SLK: variants seen among roughly 807,000 people sequenced by gnomAD.
The protein encoded by SLK is STE20-like serine/threonine-protein kinase.
SLK carries 67 observed loss-of-function variants against 147.7 expected under a neutral mutation model. The observed-to-expected ratio is 0.45, with a 90% CI of 0.37 to 0.56. The LOEUF (loss-of-function observed/expected upper bound fraction) is 0.56. Among genes scored for constraint, SLK ranks in the 20% least tolerant of loss-of-function variants. The probability of loss-of-function intolerance (pLI) is 0.00; values close to 1 mark genes in which losing one functional copy is unlikely to be tolerated. For synonymous variants in SLK, 441 were observed against 475.0 expected, an observed-to-expected ratio of 0.93 and a Z score of 0.93; for missense variants, 1,136 against 1,438.8, an observed-to-expected ratio of 0.79 and a Z score of 3.41.
In SLK at chr10:104,013,118, C is replaced by T. The variant is rs1844420019; in HGVS notation, c.2877+2210C>T. Among the ~76,000 whole-genome samples the T allele has an allele frequency of 3.3e-5, 5 of 152,220 alleles. No individual in the cohort carries two copies. The South Asian group carries it at 1.0e-3, about 31-fold the overall frequency. On this transcript the variant is annotated intron_variant, in intron 13 of 18. Coordinates refer to ENST00000369755, the MANE Select transcript of SLK (RefSeq NM_014720.4). ...CAAATATTAAAAGTATTTCTATCTA[C>T]TGCTTTAAGCGAAGGTACAAAAGCT...
At chr10:103,995,042 T>C (rs1469578511) in intron 4 of SLK, among the ~76,000 whole-genome samples, 1 of 152,228 alleles carries the variant, frequency 6.6e-6, no homozygotes, top group Non-Finnish European at 1.5e-5. Context: ...CATTATTTTG[T>C]TTTCATTATT....
intron 15 of SLK, 72 bp from the exon 16 acceptor site, chr10:104,019,662 A>T: frequency 1.8e-6 from 2 of 1,125,332 alleles, no homozygotes; most frequent in Non-Finnish European, 1.3e-6. Context: ...TAACAAAATG[A>T]CATATTTGAA....
Position 103,967,332 on chromosome 10 carries a change from C to G in SLK, c.-414C>G, listed in dbSNP as rs1843726235. The G allele has an allele frequency of 6.7e-6, 1 of 149,412 alleles. No individual in the cohort carries two copies. Among genetic ancestry groups the G allele is most frequent in the Admixed American group, 6.6e-5 (1 of 15,074 alleles). 9.3% of individuals were successfully genotyped at this position (149,412 alleles called of 1,614,324 possible). A position where few individuals can be genotyped will look rare whatever the true frequency, so the allele number is the denominator to read the frequency against. ...CTTCTCGACTGCCCGCCTCCGAGGCCGCCGGCCGCTTCTCTCTCCCAGAGT... is the reference window on the plus strand; with the variant it reads ...CTTCTCGACTGCCCGCCTCCGAGGCGGCCGGCCGCTTCTCTCTCCCAGAGT... On this transcript the variant is annotated 5_prime_UTR_variant, in exon 1 of 19. Transcript: ENST00000369755.
In SLK at chr10:104,025,722, A is replaced by G; in HGVS notation, c.*2A>G. ...AGCTTGCATTCCACCGGATCATAAC[A>G]AAGGGAAGCATTCTGTGCGTGGGTT... On this transcript the variant is annotated 3_prime_UTR_variant, in exon 19 of 19. Transcript: ENST00000369755. 3 of 1,613,880 alleles carry G rather than the reference A, an allele frequency of 1.9e-6. No individual in the cohort carries two copies. Among genetic ancestry groups the G allele is most frequent in the Non-Finnish European group, 1.7e-6 (2 of 1,179,858 alleles).
At chr10:104,012,526 T>C (rs1844412860) in intron 13 of SLK, among the ~76,000 whole-genome samples, 1 of 152,188 alleles carries the variant, frequency 6.6e-6, no homozygotes, top group Non-Finnish European at 1.5e-5. Context: ...TTAATCTGAG[T>C]TAATTATCCT....
In SLK at chr10:104,001,545, T is replaced by C. The variant is rs139324300; in HGVS notation, c.966T>C (p.Asp322=). Residue 322 remains aspartate (D), a synonymous_variant, in exon 8 of 19, where the codon GAT becomes GAC. Transcript: ENST00000369755. ...TEEVEDGKEE[D]EEEETENSLP... is the part of the protein sequence containing the mutation. ...AAGTTGAAGATGGCAAAGAGGAAGA[T>C]GAAGAGGAGGAAACAGAAAATTCTC... The C allele has an allele frequency of 6.2e-6, 10 of 1,613,430 alleles. No individual in the cohort carries two copies. In the African/African-American group the frequency reaches 6.7e-5, roughly 11 times the overall value.
At chr10:103,971,490 GGTCTTT>G (rs1843793038) in intron 1 of SLK, among the ~76,000 whole-genome samples, 1 of 152,138 alleles carries the variant, frequency 6.6e-6, no homozygotes, top group Admixed American at 6.5e-5. Flanking sequence ...TTGCCAGGGT[GGTCTTT>G]CCTGACCTCA....
At chr10:103,981,099 T>C (rs926432841) in intron 1 of SLK, among the ~76,000 whole-genome samples, 15 of 152,182 alleles carry the variant, frequency 9.9e-5, no homozygotes, top group Admixed American at 2.6e-4. Flanking sequence ...CATCTTTTCA[T>C]GTGCTTATTG....
chr10:104,013,670 A>G (rs950454828), intron 13 of SLK, among the ~76,000 whole-genome samples: 2 of 152,212 alleles, frequency 1.3e-5, no homozygotes, highest in African/African-American at 4.8e-5. Context: ...TTCAGTTGTC[A>G]TCTTGTGCAG....
chr10:104,008,436 A>G, intron 12 of SLK, 80 bp downstream of exon 12: 1 of 891,486 alleles, frequency 1.1e-6, no homozygotes, highest in Non-Finnish European at 1.7e-6. Flanking sequence ...GGATTTAGGA[A>G]TACTAATAAT....
intron 1 of SLK, among the ~76,000 whole-genome samples, chr10:103,970,588 T>C (rs1257084039): frequency 6.6e-6 from 1 of 152,088 alleles, no homozygotes; most frequent in African/African-American, 2.4e-5. Flanking sequence ...TTAAAACTTA[T>C]CTGTCTTCTT....
chr10:103,982,578 T>G, intron 1 of SLK, among the ~76,000 whole-genome samples: 1 of 152,212 alleles, frequency 6.6e-6, no homozygotes, highest in East Asian at 1.9e-4. Context: ...TTCTGTAATA[T>G]TTTACAGAAA....
chr10:103,977,568 G>A (rs1843887215), intron 1 of SLK, among the ~76,000 whole-genome samples: 1 of 152,200 alleles, frequency 6.6e-6, no homozygotes, highest in Non-Finnish European at 1.5e-5. Context: ...CTGTGATTGT[G>A]CCACTGCACT....
chr10:104,009,036 A>C (rs1173437305), intron 12 of SLK, among the ~76,000 whole-genome samples: 1 of 152,208 alleles, frequency 6.6e-6, no homozygotes, highest in Admixed American at 6.5e-5. Context: ...ATTGTTATAG[A>C]ATCTGTTTGC....
chr10:103,971,036 G>A (rs1843785572), intron 1 of SLK, among the ~76,000 whole-genome samples: 1 of 152,082 alleles, frequency 6.6e-6, no homozygotes, highest in Non-Finnish European at 1.5e-5. Flanking sequence ...TAACCTATAG[G>A]TAATCATGTT....
At position 104,025,771 on chromosome 10, in the gene SLK, G is replaced by T; in HGVS notation, c.*51G>T. The T allele has an allele frequency of 6.6e-7, 1 of 1,519,770 alleles. No homozygotes were observed. The highest frequency in any genetic ancestry group is 9.1e-7 in the Non-Finnish European group (1 of 1,103,236). The allele number at this position is 1,519,770 out of a possible 1,614,324, so 94.1% of individuals were successfully genotyped here. ...TTTGGCTCTTTCAGTATGTCATTCT[G>T]TTCTCATCTTCTGCCACAGTCTCTC... On this transcript the variant is annotated 3_prime_UTR_variant, in exon 19 of 19. Transcript: ENST00000369755.
intron 1 of SLK, among the ~76,000 whole-genome samples, chr10:103,975,164 A>G (rs190272198): frequency 5.9e-4 from 89 of 151,858 alleles, no homozygotes; most frequent in South Asian, 4.2e-3. Context: ...TCTAAGTGCA[A>G]TTTCTATCTT....
chr10:104,015,931 G>A (rs1301786563), intron 13 of SLK, among the ~76,000 whole-genome samples: 3 of 151,276 alleles, frequency 2.0e-5, no homozygotes, highest in Non-Finnish European at 2.9e-5. Context: ...TTTTAATCCT[G>A]TATGTAAACC....
chr10:104,002,714 T>A lies in SLK; in HGVS notation c.1536T>A (p.Asn512Lys). The A allele has an allele frequency of 6.2e-7, 1 of 1,612,602 alleles. No homozygotes were observed. The highest frequency in any genetic ancestry group is 8.5e-7 in the Non-Finnish European group (1 of 1,179,552). The change falls in exon 9 of 19, where the codon AAT becomes AAA. Residue 512 changes from asparagine to lysine, a missense_variant. Physicochemically the swap from Asn to Lys is moderately conservative, Grantham distance 94 (BLOSUM62 0). Around this residue, in one of 6 missense-constraint regions of SLK, gnomAD observed 516 missense variants for 531.3 expected, o/e 0.97. Transcript: ENST00000369755. The stretch of plus-strand genomic sequence containing the variant: ...AAGAGACTGGAGAAAAAGAGGCAAA[T>A]ATTCAGGCAGTTGATAGTGAAGTTG... ...VSQETGEKEA[N>K]IQAVDSEVGL...
Sources: gnomAD v4.1 joint callset for allele counts (sites outside exome capture counted in the v4.1 genomes callset) on GRCh38, gnomAD v4.1.1 for gene constraint, gnomAD v4.1.1 regional missense constraint, MANE v1.5 for transcripts, NCBI Gene and HGNC (gene_info 2026-07-23, HGNC 2026-07-21) for gene names.